Variants in ACSF3 observed in about 807,000 individuals in gnomAD.
The protein encoded by ACSF3 is malonate--CoA ligase ACSF3, mitochondrial.
A neutral mutation model predicts 53.2 loss-of-function variants in ACSF3; 78 were observed. The ratio of observed to expected loss-of-function variants is 1.47; its 90% CI spans 1.22 to 1.77. ACSF3 has a LOEUF of 1.77. Ranked by LOEUF, ACSF3 falls within the 40% of genes most tolerant of loss-of-function variation. ACSF3 has a pLI of 0.00. For synonymous variants in ACSF3, 414 were observed against 333.1 expected (o/e 1.24, Z -2.65); for missense variants, 937 against 771.1 (o/e 1.22, Z -2.55).
intron 5 of ACSF3, chr16:89,113,871 T>C: frequency 3.3e-6 from 1 of 298,946 alleles, no homozygotes; most frequent in South Asian, 2.9e-5. Context: ...CATTCACCCA[T>C]GTCCGCGTTC....
At position 89,120,842 on chromosome 16, in the gene ACSF3, G is replaced by A. The variant is rs992893782; in HGVS notation, c.1168G>A (p.Val390Ile). 25 of 1,614,136 alleles carry A rather than the reference G, an allele frequency of 1.5e-5. No individual in the cohort carries two copies. The highest frequency in any genetic ancestry group is 2.0e-5 in the Non-Finnish European group (24 of 1,180,010). The change falls in exon 7 of 11, where the codon GTC becomes ATC. Residue 390 changes from valine (V) to isoleucine (I), a missense_variant. Physicochemically the swap from Val to Ile is conservative, Grantham distance 29. Coordinates refer to ENST00000614302, the MANE Select transcript of ACSF3 (RefSeq NM_001243279.3). ...TPLPGVQVRI[V>I]SENPQREACS... ...ACTGCCTGGAGTACAGGTGCGCATT[G>A]TCTCAGAAAACCCACAGAGGGAAGC...
At chr16:89,114,186 T>C (rs2151453128) in intron 5 of ACSF3, 153 bp from the exon 6 acceptor site, 7 of 979,294 alleles carry the variant, frequency 7.1e-6, no homozygotes, top group Non-Finnish European at 1.1e-5. Context: ...TGTCGCACAG[T>C]GGTGCTGTAC....
intron 1 of ACSF3, among the ~76,000 whole-genome samples, chr16:89,094,895 A>G (rs1298684638): frequency 3.9e-5 from 6 of 152,248 alleles, no homozygotes; most frequent in African/African-American, 1.4e-4. Context: ...ACACTGTCTC[A>G]ATAAATAATA....
In ACSF3 at chr16:89,120,783, G is replaced by A. The variant is rs372361420; in HGVS notation, c.1127-18G>A. On this transcript the variant is annotated intron_variant, in intron 6 of 10. Transcript: ENST00000614302. ...CTCTCACTCCAGCCTCCCCTTCAGT[G>A]TTTCTCCTCTCCTGTAGGTTCCGTG... is the stretch of plus-strand genomic sequence containing the variant. The A allele has an allele frequency of 1.1e-5, 17 of 1,611,206 alleles. No homozygotes were observed. The highest frequency in any genetic ancestry group is 2.7e-5 in the African/African-American group (2 of 74,884).
intron 1 of ACSF3, among the ~76,000 whole-genome samples, chr16:89,097,936 C>T (rs1300393649): frequency 6.6e-6 from 1 of 152,168 alleles, no homozygotes; most frequent in Non-Finnish European, 1.5e-5. Context: ...CTGCCTGGGC[C>T]AGAGGCAGGA....
At chr16:89,139,996 C>T (rs1047480622) in intron 8 of ACSF3, among the ~76,000 whole-genome samples, 4 of 152,192 alleles carry the variant, frequency 2.6e-5, no homozygotes, top group Non-Finnish European at 5.9e-5. Flanking sequence ...ACGGAGCTGC[C>T]GGGTGAGCGC....
At chr16:89,108,867 A>G (rs1158429706) in intron 4 of ACSF3, among the ~76,000 whole-genome samples, 1 of 152,230 alleles carries the variant, frequency 6.6e-6, no homozygotes, top group African/African-American at 2.4e-5. Context: ...GTAGACATTC[A>G]TTCATCTTAC....
chr16:89,128,110 C>T (rs984045734), intron 7 of ACSF3, among the ~76,000 whole-genome samples: 1 of 151,650 alleles, frequency 6.6e-6, no homozygotes, highest in African/African-American at 2.4e-5. Context: ...TGGCTTTTCT[C>T]TTTTTCTAGT....
At chr16:89,105,175 TCA>T (rs556460619) in intron 4 of ACSF3, among the ~76,000 whole-genome samples, 17 of 151,804 alleles carry the variant, frequency 1.1e-4, no homozygotes, top group Non-Finnish European at 2.4e-4. Context: ...TCCTTATTTT[TCA>T]CAGACATCTC....
rs149850074 is a variant in ACSF3 at position 89,100,473 on chromosome 16, G to T, written c.-20-189G>T. ...AGTGAAATAGAAAGCTGAGATGCTGGGCACGTACGGAACGTTCCAGCAGTG... is the reference window on the plus strand; with the variant it reads ...AGTGAAATAGAAAGCTGAGATGCTGTGCACGTACGGAACGTTCCAGCAGTG... On this transcript the variant is annotated intron_variant, in intron 2 of 10. Coordinates refer to ENST00000614302, the MANE Select transcript of ACSF3 (RefSeq NM_001243279.3). Among the ~76,000 whole-genome samples the T allele has an allele frequency of 4.6e-5, 7 of 152,222 alleles. No homozygotes were observed. In the South Asian group the frequency reaches 1.0e-3, roughly 22 times the overall value.
intron 4 of ACSF3, among the ~76,000 whole-genome samples, chr16:89,109,499 C>T (rs868575199): frequency 3.4e-5 from 5 of 148,868 alleles, no homozygotes; most frequent in Admixed American, 2.7e-4. Flanking sequence ...GCAATCTCCG[C>T]CTCCTGGGTT....
chr16:89,139,177 C>G (rs371029512), intron 8 of ACSF3, among the ~76,000 whole-genome samples: 2 of 152,332 alleles, frequency 1.3e-5, no homozygotes, highest in East Asian at 1.9e-4. Flanking sequence ...TTTCCTCTTT[C>G]TTTGTTTTCC....
chr16:89,134,732 T>A (rs1189000596), intron 8 of ACSF3, among the ~76,000 whole-genome samples: 2 of 152,234 alleles, frequency 1.3e-5, no homozygotes, highest in Non-Finnish European at 2.9e-5. Flanking sequence ...TTTAGCCTAA[T>A]TAGCATTTTA....
chr16:89,115,438 T>TGCTTCCGCCCG (rs1419728616), intron 6 of ACSF3, among the ~76,000 whole-genome samples: 1 of 152,242 alleles, frequency 6.6e-6, no homozygotes, highest in Non-Finnish European at 1.5e-5. Context: ...TGAGCCTGTC[T>TGCTTCCGCCCG]GCTTCCGCCC....
intron 8 of ACSF3, among the ~76,000 whole-genome samples, chr16:89,141,968 C>T (rs1487505814): frequency 1.8e-4 from 28 of 152,326 alleles, no homozygotes. Flanking sequence ...TGGCTTCGCC[C>T]AGTGCTGCTG....
chr16:89,139,195 G>A (rs1473712993), intron 8 of ACSF3, among the ~76,000 whole-genome samples: 1 of 152,174 alleles, frequency 6.6e-6, no homozygotes, highest in Admixed American at 6.5e-5. Flanking sequence ...TCCAGAGTCG[G>A]GAAAGTCTTG....
Position 89,101,329 on chromosome 16 carries a change from C to T in ACSF3, c.648C>T (p.His216=), listed in dbSNP as rs377553361. The change falls in exon 3 of 11, where the codon CAC becomes CAT. Residue 216 remains histidine, a synonymous_variant. Transcript: ENST00000614302. ...TGRPKGVLST[H]QNIRAVVTGL... is the part of the protein sequence containing the mutation. ...GGCCCAAGGGCGTGCTGAGCACGCA[C>T]CAAAACATCAGGGCTGTGGTGAGTG... is the stretch of plus-strand genomic sequence containing the variant. 3 of 1,591,308 alleles carry T rather than the reference C, an allele frequency of 1.9e-6. No individual in the cohort carries two copies. The highest frequency in any genetic ancestry group is 2.6e-6 in the Non-Finnish European group (3 of 1,169,512).
rs991971569 is a variant in ACSF3, at chr16:89,128,434, G to C, written c.1240-4702G>C. 2.0e-5 allele frequency among the ~76,000 whole-genome samples: 3 copies of C among 151,716 alleles called. No homozygotes were observed. In the East Asian group the frequency reaches 5.8e-4, roughly 29 times the overall value. ...CGCCACCACGCCCAGCTAATTTTTT[G>C]TATTTAGTACAGATGGGGTTTCACC... On this transcript the variant is annotated intron_variant, in intron 7 of 10. Coordinates refer to ENST00000614302, the MANE Select transcript of ACSF3 (RefSeq NM_001243279.3).
Position 89,145,632 on chromosome 16 carries a change from C to T in ACSF3, c.1501+231C>T, listed in dbSNP as rs1020999783. ...GCCCACCAGAGCTCCCAGGCCTGGC[C>T]GGGCGCAGCTCCCATCTGCATGATT... On this transcript the variant is annotated intron_variant, in intron 9 of 10. Coordinates refer to ENST00000614302, the MANE Select transcript of ACSF3 (RefSeq NM_001243279.3). Among the ~76,000 whole-genome samples the T allele has an allele frequency of 1.1e-4, 17 of 152,220 alleles. 1 individual carries two copies. The highest frequency in any genetic ancestry group is 7.2e-4 in the Admixed American group (11 of 15,290).
Sources: gnomAD v4.1 joint callset for allele counts (sites outside exome capture counted in the v4.1 genomes callset) on GRCh38, gnomAD v4.1.1 for gene constraint, MANE v1.5 for transcripts, NCBI Gene and HGNC (gene_info 2026-07-23, HGNC 2026-07-21) for gene names.